Variants in SMARCD3 observed in about 807,000 individuals in gnomAD.
SMARCD3 encodes SWI/SNF-related matrix-associated actin-dependent regulator of chromatin subfamily D member 3.
Under a neutral mutation model 58.0 loss-of-function variants are expected in SMARCD3, and 14 were observed. That is an observed-to-expected ratio of 0.24 (90% CI 0.16 to 0.38). The LOEUF is 0.38. SMARCD3 is among the 10% of genes least tolerant of loss of function. The probability of loss-of-function intolerance (pLI) is 1.00; values close to 1 mark genes in which losing one functional copy is unlikely to be tolerated. For missense variants in SMARCD3, 408 were observed against 636.9 expected, an observed-to-expected ratio of 0.64 and a Z score of 3.87; for synonymous variants, 253 against 253.8, an observed-to-expected ratio of 1.00 and a Z score of 0.03.
Position 151,239,038 on chromosome 7 carries a change from C to T in SMARCD3, c.*65G>A, listed in dbSNP as rs2290736. On this transcript the variant is annotated 3_prime_UTR_variant, in exon 13 of 13. Coordinates refer to ENST00000262188, the MANE Select transcript of SMARCD3 (RefSeq NM_001003801.2). The surrounding 1 kb of genome is among the most constrained non-coding windows in gnomAD (Gnocchi z 7.0). ...GTGGCAGAGGAGTGATGCTGGAGCC[C>T]GGGGCAAAATGCTGGGGCCCGGGAC... The T allele has an allele frequency of 7.9e-6, 12 of 1,514,148 alleles. No homozygotes were observed. The highest frequency in any genetic ancestry group is 1.1e-5 in the Non-Finnish European group (12 of 1,089,258). 93.8% of individuals were successfully genotyped at this position (1,514,148 alleles called of 1,614,324 possible).
Position 151,243,718 on chromosome 7 carries a change from G to GA in SMARCD3, c.291-18dup, listed in dbSNP as rs754266504. 215 of 1,598,780 alleles carry GA rather than the reference G, an allele frequency of 1.3e-4. No homozygotes were observed. Among genetic ancestry groups the GA allele is most frequent in the Admixed American group, 5.0e-5 (3 of 59,978 alleles). Reference sequence around the variant, plus strand: ...CTCTTGGCACTGTACATTTTTTAAAGAAAAAACCAGGTTACCATGGCGACA... The same window carrying GA: ...CTCTTGGCACTGTACATTTTTTAAAGAAAAAAACCAGGTTACCATGGCGACA... On this transcript the variant is annotated splice_polypyrimidine_tract_variant and intron_variant, in intron 2 of 12. Transcript: ENST00000262188. This position sits in a 1 kb window ranked among gnomAD's most constrained non-coding sequence, Gnocchi z 4.4.
chr7:151,245,608 A>G lies in SMARCD3; in HGVS notation c.142T>C (p.Ser48Pro). ...ACGGCGGGGCTGCCCATGTACGGGG[A>G]GCCCGGGGGGCCCATGGGCGCCCCC... ...HQGAPMGPPG[S>P]PYMGSPAVRP... The change falls in exon 2 of 13, where the codon TCC becomes CCC. Residue 48 changes from serine (S) to proline (P), a missense_variant. Coordinates refer to ENST00000262188, the MANE Select transcript of SMARCD3 (RefSeq NM_001003801.2). The surrounding 1 kb of genome is among the most constrained non-coding windows in gnomAD (Gnocchi z 6.2). 5.9e-6 allele frequency: 7 copies of G among 1,181,154 alleles called. No homozygotes were observed. Among genetic ancestry groups the G allele is most frequent in the Non-Finnish European group, 7.4e-6 (7 of 942,854 alleles). 73.2% of individuals were successfully genotyped at this position (1,181,154 alleles called of 1,614,324 possible).
chr7:151,260,517 T>A (rs931159964), intron 2 of SMARCD3, among the ~76,000 whole-genome samples: 1 of 152,106 alleles, frequency 6.6e-6, no homozygotes, highest in African/African-American at 2.4e-5. Context: ...TGAATGCTAG[T>A]TAAACTTGGA....
At position 151,242,182 on chromosome 7, in the gene SMARCD3, G is replaced by T. The variant is rs141935992; in HGVS notation, c.630C>A (p.Ile210=). The T allele has an allele frequency of 6.2e-7, 1 of 1,614,074 alleles. No individual in the cohort carries two copies. Among genetic ancestry groups the T allele is most frequent in the Non-Finnish European group, 8.5e-7 (1 of 1,179,956 alleles). The change falls in exon 6 of 13, where the codon ATC becomes ATA. Residue 210 remains isoleucine (I), a synonymous_variant. Transcript: ENST00000262188. This position sits in a 1 kb window ranked among gnomAD's most constrained non-coding sequence, Gnocchi z 4.7. The part of the protein sequence containing the change: ...KFSSFFKSLV[I]ELDKDLYGPD... ...GGCCATAAAGATCTTTGTCCAGCTC[G>T]ATGACCAAACTCTTGAAGAAAGAAG...
chr7:151,242,065 T>C lies in SMARCD3; in HGVS notation c.675+72A>G. 1 of 1,539,660 alleles carries C rather than the reference T, an allele frequency of 6.5e-7. No individual in the cohort carries two copies. Among genetic ancestry groups the C allele is most frequent in the East Asian group, 2.2e-5 (1 of 44,508 alleles). ...TCTAGGGTGGTCCCTGACCCAAATC[T>C]GTGCTGGTTCTTCAGGGATTCTGGC... is the stretch of plus-strand genomic sequence containing the variant. On this transcript the variant is annotated intron_variant, in intron 6 of 12. Transcript: ENST00000262188. This position sits in a 1 kb window ranked among gnomAD's most constrained non-coding sequence, Gnocchi z 4.7.
Position 151,239,868 on chromosome 7 carries a change from C to T in SMARCD3, c.1174-122G>A. ...TTCTGTGAAGGACAACCCCTCAGAG[C>T]CCCTGATTTCTCTGAAGTCCCAGGG... On this transcript the variant is annotated intron_variant, in intron 10 of 12. Coordinates refer to ENST00000262188, the MANE Select transcript of SMARCD3 (RefSeq NM_001003801.2). This position sits in a 1 kb window ranked among gnomAD's most constrained non-coding sequence, Gnocchi z 7.0. The T allele has an allele frequency of 9.0e-7, 1 of 1,106,518 alleles. No homozygotes were observed. The highest frequency in any genetic ancestry group is 1.5e-5 in the South Asian group (1 of 67,932). 68.5% of individuals were successfully genotyped at this position (1,106,518 alleles called of 1,614,324 possible).
intron 1 of SMARCD3, among the ~76,000 whole-genome samples, chr7:151,247,881 G>C (rs1476703102): frequency 6.6e-6 from 1 of 152,182 alleles, no homozygotes; most frequent in Non-Finnish European, 1.5e-5. Flanking sequence ...TCTGGTGGCT[G>C]AGTCCGCCAA....
chr7:151,240,335 G>A, intron 9 of SMARCD3, 88 bp from the exon 10 acceptor site: 1 of 1,600,036 alleles, frequency 6.2e-7, no homozygotes, highest in Non-Finnish European at 8.6e-7. Flanking sequence ...CAGGGAGGGA[G>A]AAGAGATGGG....
upstream of SMARCD3, among the ~76,000 whole-genome samples, chr7:151,251,217 T>C (rs1803498260): frequency 6.6e-6 from 1 of 151,918 alleles, no homozygotes; most frequent in African/African-American, 2.4e-5. Context: ...CTGGTGAGCT[T>C]CACCCAAGTC....
intron 1 of SMARCD3, among the ~76,000 whole-genome samples, chr7:151,275,481 G>C (rs1397709743): frequency 6.6e-6 from 1 of 152,202 alleles, no homozygotes; most frequent in African/African-American, 2.4e-5. Flanking sequence ...CCGGCCCCAG[G>C]GTCCTGCGGG....
chr7:151,252,323 G>A (rs913178313), upstream of SMARCD3, among the ~76,000 whole-genome samples: 1 of 151,974 alleles, frequency 6.6e-6, no homozygotes, highest in African/African-American at 2.4e-5. Context: ...GGATTGCTTG[G>A]GAGAGAGCTC....
rs1266096077 is a variant in SMARCD3, at chr7:151,238,822, A to G, written c.*281T>C. On this transcript the variant is annotated 3_prime_UTR_variant, in exon 13 of 13. Coordinates refer to ENST00000262188, the MANE Select transcript of SMARCD3 (RefSeq NM_001003801.2). ...TGTTATTAAACATGTCTTCTGCCAAACTGTTTTTAGGTCTAGGGAAAATTG... is the reference window on the plus strand; with the variant it reads ...TGTTATTAAACATGTCTTCTGCCAAGCTGTTTTTAGGTCTAGGGAAAATTG... 1 of 1,531,308 alleles carries G rather than the reference A, an allele frequency of 6.5e-7. No individual in the cohort carries two copies. Among genetic ancestry groups the G allele is most frequent in the Non-Finnish European group, 8.8e-7 (1 of 1,141,064 alleles). The allele number at this position is 1,531,308 out of a possible 1,614,324, so 94.9% of individuals were successfully genotyped here.
rs118179667 is a variant in SMARCD3, at chr7:151,246,453, G to A, written c.79-782C>T. 0.015 allele frequency among the ~76,000 whole-genome samples: 2,281 copies of A among 152,270 alleles called. 25 individuals are homozygous for A. The highest frequency in any genetic ancestry group is 0.025 in the Non-Finnish European group (1,710 of 68,004). On this transcript the variant is annotated intron_variant, in intron 1 of 12. Coordinates refer to ENST00000262188, the MANE Select transcript of SMARCD3 (RefSeq NM_001003801.2). The surrounding 1 kb of genome is among the most constrained non-coding windows in gnomAD (Gnocchi z 4.4). ...GCAGGCAAGGGCAGCCTGCTGGGGC[G>A]CCCCAGACACAGCCAGGATTCTCTG...
At chr7:151,264,939 G>A (rs561760216) in intron 2 of SMARCD3, among the ~76,000 whole-genome samples, 52 of 152,346 alleles carry the variant, frequency 3.4e-4, no homozygotes, top group Non-Finnish European at 4.7e-4. Context: ...GGACTGGACA[G>A]TGGCAGGGAG....
chr7:151,254,418 G>A (rs1803633632), intron 2 of SMARCD3: 1 of 152,400 alleles, frequency 6.6e-6, no homozygotes, highest in African/African-American at 2.4e-5. Flanking sequence ...CCCGGGGAAT[G>A]CCGTTTCCTC....
At chr7:151,261,634 G>T (rs918730100) in intron 2 of SMARCD3, among the ~76,000 whole-genome samples, 1 of 152,228 alleles carries the variant, frequency 6.6e-6, no homozygotes, top group East Asian at 1.9e-4. Flanking sequence ...CAGTGGTCCT[G>T]CCTGCCTGTC....
intron 1 of SMARCD3, among the ~76,000 whole-genome samples, chr7:151,275,831 A>G (rs2072296): frequency 0.15 from 22,816 of 152,104 alleles, 1,762 homozygotes; most frequent in Admixed American, 0.18. Flanking sequence ...TCAGGACCCA[A>G]CTTATGAAAT....
chr7:151,265,688 C>CTTTA (rs1336396457), intron 2 of SMARCD3, among the ~76,000 whole-genome samples: 1 of 152,230 alleles, frequency 6.6e-6, no homozygotes, highest in African/African-American at 2.4e-5. Flanking sequence ...GAGTTTGAGC[C>CTTTA]TTTATTCCAT....
intron 2 of SMARCD3, among the ~76,000 whole-genome samples, chr7:151,258,063 C>G (rs1236047332): frequency 1.3e-5 from 2 of 152,284 alleles, no homozygotes; most frequent in East Asian, 3.9e-4. Flanking sequence ...GCTGCCCAGG[C>G]CCACACCTTG....
Sources: gnomAD v4.1 joint callset for allele counts (sites outside exome capture counted in the v4.1 genomes callset) on GRCh38, gnomAD v4.1.1 for gene constraint, Gnocchi (gnomAD v3.1) non-coding constraint, MANE v1.5 for transcripts, NCBI Gene and HGNC (gene_info 2026-07-23, HGNC 2026-07-21) for gene names.